Variants in ST6GALNAC5 observed in about 807,000 individuals in gnomAD.
ST6GALNAC5 encodes the protein ST6 N-acetylgalactosaminide alpha-2,6-sialyltransferase 5.
ST6GALNAC5 carries 27 observed loss-of-function variants against 33.6 expected under a neutral mutation model. That is an observed-to-expected ratio of 0.80 (90% CI 0.59 to 1.11). The LOEUF (loss-of-function observed/expected upper bound fraction) is 1.11. Ranked by LOEUF, ST6GALNAC5 falls within the 50% of genes least tolerant of loss-of-function variation. ST6GALNAC5 has a pLI of 0.00. For synonymous variants in ST6GALNAC5, 194 were observed against 171.2 expected (o/e 1.13, Z -1.04); for missense variants, 428 against 454.0 (o/e 0.94, Z 0.52).
chr1:76,952,362 G>C (rs996846633), intron 2 of ST6GALNAC5, among the ~76,000 whole-genome samples: 1 of 152,108 alleles, frequency 6.6e-6, no homozygotes, highest in Non-Finnish European at 1.5e-5. Context: ...ATGGTATTTG[G>C]AGAAGGCTCC....
At chr1:77,043,788 A>G (rs2100461559) in intron 2 of ST6GALNAC5, among the ~76,000 whole-genome samples, 1 of 152,330 alleles carries the variant, frequency 6.6e-6, no homozygotes, top group African/African-American at 2.4e-5. Context: ...GGACTCAAAA[A>G]TACCTAGTTT....
rs549991814 is a variant in ST6GALNAC5, at chr1:76,892,989, C to T, written c.261+24247C>T. The stretch of plus-strand genomic sequence containing the variant: ...CAGCAAATACCATTTACTAGGGTGC[C>T]CAGATTCACCTCTGTAGGCCCAAGA... On this transcript the variant is annotated intron_variant, in intron 2 of 4. Transcript: ENST00000477717. Among the ~76,000 whole-genome samples the T allele has an allele frequency of 3.9e-5, 6 of 152,218 alleles. No homozygotes were observed. The East Asian group carries it at 1.2e-3, about 29-fold the overall frequency.
intron 2 of ST6GALNAC5, among the ~76,000 whole-genome samples, chr1:76,986,447 A>G (rs1422389348): frequency 1.3e-5 from 2 of 152,242 alleles, no homozygotes; most frequent in East Asian, 3.8e-4. Context: ...AGAAATGCAA[A>G]TCAAAACCAC....
chr1:76,929,211 A>G (rs1647113223), intron 2 of ST6GALNAC5, among the ~76,000 whole-genome samples: 1 of 151,814 alleles, frequency 6.6e-6, no homozygotes, highest in Admixed American at 6.6e-5. Flanking sequence ...AACAAATCAA[A>G]TCTCCCCTCA....
intron 2 of ST6GALNAC5, among the ~76,000 whole-genome samples, chr1:76,902,854 C>A (rs1244931000): frequency 6.6e-6 from 1 of 152,034 alleles, no homozygotes; most frequent in African/African-American, 2.4e-5. Context: ...AAATTGGGCC[C>A]TTACCTCACA....
At chr1:77,027,986 G>C (rs1485458638) in intron 2 of ST6GALNAC5, among the ~76,000 whole-genome samples, 1 of 152,152 alleles carries the variant, frequency 6.6e-6, no homozygotes, top group African/African-American at 2.4e-5. Flanking sequence ...CATCACATCA[G>C]CCCCGAGTGC....
chr1:76,956,776 T>G (rs950933032), intron 2 of ST6GALNAC5, among the ~76,000 whole-genome samples: 3 of 152,118 alleles, frequency 2.0e-5, no homozygotes, highest in African/African-American at 4.8e-5. Context: ...ATCTGGTAGT[T>G]TTACACAGTA....
At chr1:77,015,492 A>G (rs1650796270) in intron 2 of ST6GALNAC5, among the ~76,000 whole-genome samples, 1 of 152,202 alleles carries the variant, frequency 6.6e-6, no homozygotes, top group Admixed American at 6.5e-5. Flanking sequence ...CACAGGGCTC[A>G]CAGTCCACCC....
intron 4 of ST6GALNAC5, among the ~76,000 whole-genome samples, chr1:77,061,890 C>T (rs1489805336): frequency 6.6e-6 from 1 of 152,160 alleles, no homozygotes; most frequent in African/African-American, 2.4e-5. Flanking sequence ...CTCGGAGACT[C>T]TCAGGCCACC....
chr1:77,029,014 G>T (rs1651351607), intron 2 of ST6GALNAC5, among the ~76,000 whole-genome samples: 1 of 152,116 alleles, frequency 6.6e-6, no homozygotes, highest in African/African-American at 2.4e-5. Flanking sequence ...ATACGTGGGT[G>T]GTGGTCCAGT....
chr1:76,965,460 TTTC>T (rs1409093578), intron 2 of ST6GALNAC5, among the ~76,000 whole-genome samples: 2 of 152,312 alleles, frequency 1.3e-5, no homozygotes, highest in East Asian at 3.9e-4. Flanking sequence ...ATGGGGTTGT[TTTC>T]TTCTTCTAAA....
chr1:76,940,199 C>T (rs10873923), intron 2 of ST6GALNAC5, among the ~76,000 whole-genome samples: 9,482 of 151,934 alleles, frequency 0.062, 649 homozygotes, highest in East Asian at 0.39. Context: ...ATGGCCGGGG[C>T]GAGCAGATAG....
intron 2 of ST6GALNAC5, among the ~76,000 whole-genome samples, chr1:76,999,196 C>T (rs143910399): frequency 9.1e-4 from 139 of 152,206 alleles, no homozygotes; most frequent in East Asian, 8.1e-3. Context: ...TCCCTTGTAG[C>T]GTGTTGTGTT....
intron 2 of ST6GALNAC5, among the ~76,000 whole-genome samples, chr1:77,026,791 C>A (rs1651253511): frequency 2.7e-5 from 4 of 149,190 alleles, no homozygotes; most frequent in Admixed American, 6.7e-5. Flanking sequence ...AGAACACTTT[C>A]TGAATGAATG....
chr1:76,894,352 C>T (rs1430977715), intron 2 of ST6GALNAC5, among the ~76,000 whole-genome samples: 1 of 152,116 alleles, frequency 6.6e-6, no homozygotes, highest in East Asian at 1.9e-4. Context: ...GCACACCTGC[C>T]ACCACCCCTG....
chr1:77,019,607 A>G (rs1378815226), intron 2 of ST6GALNAC5, among the ~76,000 whole-genome samples: 1 of 152,222 alleles, frequency 6.6e-6, no homozygotes, highest in Non-Finnish European at 1.5e-5. Context: ...GAACTTCTGC[A>G]CAGAATTTAT....
rs185016633 is a variant in ST6GALNAC5, at chr1:77,051,164, C to A, written c.779+799C>A. ...TAAATTGTGTGCTTACTTATACTAT[C>A]TGGTGTTTTATTTGTTTATTTTTTC... On this transcript the variant is annotated intron_variant, in intron 4 of 4. Coordinates refer to ENST00000477717, the MANE Select transcript of ST6GALNAC5 (RefSeq NM_030965.3). 6.1e-4 allele frequency among the ~76,000 whole-genome samples: 93 copies of A among 152,308 alleles called. No individual in the cohort carries two copies. In the East Asian group the frequency reaches 8.1e-3, roughly 13 times the overall value.
At chr1:76,877,727 G>A (rs1653678886) in intron 2 of ST6GALNAC5, among the ~76,000 whole-genome samples, 1 of 152,208 alleles carries the variant, frequency 6.6e-6, no homozygotes, top group African/African-American at 2.4e-5. Context: ...TAATGTAATG[G>A]ACCAGTGTGA....
At chr1:76,888,589 C>T (rs975130667) in intron 2 of ST6GALNAC5, among the ~76,000 whole-genome samples, 5 of 151,822 alleles carry the variant, frequency 3.3e-5, no homozygotes, top group African/African-American at 1.2e-4. Flanking sequence ...ACTGGCTTTG[C>T]ATTTTATGCA....
Sources: gnomAD v4.1 joint callset for allele counts (sites outside exome capture counted in the v4.1 genomes callset) on GRCh38, gnomAD v4.1.1 for gene constraint, MANE v1.5 for transcripts, NCBI Gene and HGNC (gene_info 2026-07-23, HGNC 2026-07-21) for gene names.